CDH4: variants seen among roughly 807,000 people sequenced by gnomAD.
CDH4 encodes cadherin 4.
CDH4 carries 33 observed loss-of-function variants against 86.0 expected under a neutral mutation model. That is an observed-to-expected ratio of 0.38 (90% CI 0.29 to 0.51). CDH4 has a LOEUF of 0.51. Among genes scored for constraint, CDH4 ranks in the 20% least tolerant of loss-of-function variants. The pLI is 0.86. For synonymous variants in CDH4, 555 were observed against 549.4 expected, an observed-to-expected ratio of 1.01 and a Z score of -0.14; for missense variants, 1,114 against 1,307.4, an observed-to-expected ratio of 0.85 and a Z score of 2.28.
intron 2 of CDH4, among the ~76,000 whole-genome samples, chr20:61,332,107 G>GC (rs2084584891): frequency 6.6e-6 from 1 of 152,290 alleles, no homozygotes; most frequent in Non-Finnish European, 1.5e-5. Context: ...CGACAGCGAT[G>GC]CCCGGCTTCC....
intron 8 of CDH4, among the ~76,000 whole-genome samples, chr20:61,909,057 C>T (rs1164382039): frequency 6.6e-6 from 1 of 152,240 alleles, no homozygotes; most frequent in African/African-American, 2.4e-5. Flanking sequence ...CAGTCACACT[C>T]TGAGGCCTTG....
intron 2 of CDH4, among the ~76,000 whole-genome samples, chr20:61,448,909 C>G (rs2085366006): frequency 6.6e-6 from 1 of 152,078 alleles, no homozygotes; most frequent in South Asian, 2.1e-4. Flanking sequence ...AATCGAAAAG[C>G]CCTGGCATAT....
chr20:61,314,997 T>G (rs2084468330), intron 2 of CDH4, among the ~76,000 whole-genome samples: 1 of 152,218 alleles, frequency 6.6e-6, no homozygotes, highest in South Asian at 2.1e-4. Context: ...ATTGATTTGT[T>G]TGCATTCCTT....
intron 2 of CDH4, among the ~76,000 whole-genome samples, chr20:61,624,814 C>T (rs1309283140): frequency 6.6e-6 from 1 of 152,182 alleles, no homozygotes. Context: ...CTCTAGGGAG[C>T]CGACGCTGGC....
rs761833279 is a variant in CDH4 at position 61,377,182 on chromosome 20, C to T, written c.169+122245C>T. On this transcript the variant is annotated intron_variant, in intron 2 of 15. Transcript: ENST00000614565. This position sits in a 1 kb window ranked among gnomAD's most constrained non-coding sequence, Gnocchi z 4.0. ...GGCTCGGCAATTATTGAAGAGTTGG[C>T]GGCTCAATCTAAAACGGAGGAGCCT... Among the ~76,000 whole-genome samples the T allele has an allele frequency of 8.5e-5, 13 of 152,176 alleles. No individual in the cohort carries two copies. The highest frequency in any genetic ancestry group is 1.4e-4 in the African/African-American group (6 of 41,528).
intron 6 of CDH4, among the ~76,000 whole-genome samples, chr20:61,861,021 T>C (rs915308778): frequency 1.3e-5 from 2 of 152,158 alleles, no homozygotes; most frequent in East Asian, 3.9e-4. Context: ...CTGGACCTTT[T>C]GAGAAGAGCA....
At chr20:61,758,496 G>T (rs1181815118) in intron 3 of CDH4, among the ~76,000 whole-genome samples, 2 of 152,206 alleles carry the variant, frequency 1.3e-5, no homozygotes, top group Non-Finnish European at 2.9e-5. Flanking sequence ...ATTGCCACGA[G>T]GAGTTAGGGG....
chr20:61,398,511 T>A (rs6142826), intron 2 of CDH4, among the ~76,000 whole-genome samples: 1 of 151,928 alleles, frequency 6.6e-6, no homozygotes, highest in Non-Finnish European at 1.5e-5. Context: ...GGCTGATGGG[T>A]AGGAGGAGAC....
At chr20:61,766,844 T>C (rs2088705237) in intron 3 of CDH4, among the ~76,000 whole-genome samples, 1 of 152,194 alleles carries the variant, frequency 6.6e-6, no homozygotes, top group Non-Finnish European at 1.5e-5. Context: ...CGAGATATAA[T>C]ACCCACCATG....
intron 2 of CDH4, among the ~76,000 whole-genome samples, chr20:61,618,683 C>T (rs918337396): frequency 3.9e-5 from 6 of 152,204 alleles, no homozygotes; most frequent in Non-Finnish European, 7.3e-5. Context: ...CGCTGTATCA[C>T]GGGTACTCTG....
intron 4 of CDH4, among the ~76,000 whole-genome samples, chr20:61,806,520 G>C (rs2146039555): frequency 6.6e-6 from 1 of 152,194 alleles, no homozygotes; most frequent in African/African-American, 2.4e-5. Flanking sequence ...GAGCATCTGA[G>C]GAACACGTGT....
At chr20:61,323,878 A>G (rs1000358237) in intron 2 of CDH4, among the ~76,000 whole-genome samples, 2 of 152,204 alleles carry the variant, frequency 1.3e-5, no homozygotes, top group Non-Finnish European at 2.9e-5. Flanking sequence ...TTGAGATTGT[A>G]TGATCCTAAG....
chr20:61,691,451 A>C (rs887932161), intron 2 of CDH4, among the ~76,000 whole-genome samples: 3 of 150,968 alleles, frequency 2.0e-5, no homozygotes, highest in African/African-American at 7.3e-5. Context: ...GTCTGTGTGT[A>C]TGTGTGTGCA....
In CDH4 at chr20:61,792,764, C is replaced by G. The variant is rs370264217; in HGVS notation, c.576+19582C>G. 9.9e-4 allele frequency among the ~76,000 whole-genome samples: 151 copies of G among 152,110 alleles called. 6 individuals carry two copies. The South Asian group carries it at 0.028, about 28-fold the overall frequency. ...CTCCCAGGTTCAAGTGATTCTCCTGCCTCAACCTTCCGAGTAGCTGGGATT... is the reference window on the plus strand; with the variant it reads ...CTCCCAGGTTCAAGTGATTCTCCTGGCTCAACCTTCCGAGTAGCTGGGATT... On this transcript the variant is annotated intron_variant, in intron 4 of 15. Transcript: ENST00000614565.
chr20:61,796,260 A>G (rs1241420554), intron 4 of CDH4, among the ~76,000 whole-genome samples: 2 of 152,104 alleles, frequency 1.3e-5, no homozygotes, highest in Admixed American at 6.5e-5. Context: ...ACAGCCAGGA[A>G]TCTCCAGAGC....
chr20:61,691,325 A>C (rs919037672), intron 2 of CDH4, among the ~76,000 whole-genome samples: 8 of 151,510 alleles, frequency 5.3e-5, no homozygotes, highest in African/African-American at 1.9e-4. Context: ...GTGTGTGTGC[A>C]AGTGGATGTG....
chr20:61,261,023 C>T (rs1040984970), intron 2 of CDH4, among the ~76,000 whole-genome samples: 6 of 152,182 alleles, frequency 3.9e-5, no homozygotes, highest in Non-Finnish European at 8.8e-5. Flanking sequence ...AGAACACTGC[C>T]GCCCCGGGCT....
intron 4 of CDH4, among the ~76,000 whole-genome samples, chr20:61,793,999 T>C (rs1051566870): frequency 6.8e-5 from 10 of 146,474 alleles, no homozygotes; most frequent in Non-Finnish European, 1.0e-4. Flanking sequence ...AAAAATTAGC[T>C]GGGCGTGGTG....
chr20:61,445,307 G>C (rs1319060356), intron 2 of CDH4, among the ~76,000 whole-genome samples: 8 of 152,186 alleles, frequency 5.3e-5, no homozygotes, highest in Non-Finnish European at 1.2e-4. Context: ...CCCCAGGCAG[G>C]ACAGCATCAG....
Sources: gnomAD v4.1 joint callset for allele counts (sites outside exome capture counted in the v4.1 genomes callset) on GRCh38, gnomAD v4.1.1 for gene constraint, Gnocchi (gnomAD v3.1) non-coding constraint, MANE v1.5 for transcripts, NCBI Gene and HGNC (gene_info 2026-07-23, HGNC 2026-07-21) for gene names.